The following UTP4 variants were observed in gnomAD, a reference collection of about 807,000 sequenced individuals.
UTP4 encodes UTP4 small subunit processome component.
In UTP4, 45 loss-of-function variants were observed where a neutral mutation model predicts 82.4. That is an observed-to-expected ratio of 0.55 (90% confidence interval 0.43 to 0.70). The LOEUF (loss-of-function observed/expected upper bound fraction) is 0.70, where lower values mean the gene tolerates loss of function less well. Among genes scored for constraint, UTP4 ranks in the 30% least tolerant of loss-of-function variants. The pLI, the probability that UTP4 is intolerant of heterozygous loss-of-function variation, is 0.00. For missense variants in UTP4, 819 were observed against 858.3 expected (o/e 0.95, Z 0.57); for synonymous variants, 348 against 300.3 (o/e 1.16, Z -1.64).
intron 13 of UTP4, among the ~76,000 whole-genome samples, chr16:69,161,122 A>C (rs1963552528): frequency 6.6e-6 from 1 of 152,330 alleles, no homozygotes; most frequent in African/African-American, 2.4e-5. Flanking sequence ...AAATAGTTGC[A>C]GATAATAAGA....
In UTP4 at chr16:69,153,412, C is replaced by T. The variant is rs553750135; in HGVS notation, c.1003-172C>T. The stretch of plus-strand genomic sequence containing the variant: ...CAGTAGCTATGTTTTAATTCATCAT[C>T]GTCTTCATAGATCTCAGGGCAGTGC... On this transcript the variant is annotated intron_variant, in intron 8 of 16. Coordinates refer to ENST00000314423, the MANE Select transcript of UTP4 (RefSeq NM_032830.3). 3.9e-5 allele frequency among the ~76,000 whole-genome samples: 6 copies of T among 152,272 alleles called. No homozygotes were observed. The South Asian group carries it at 1.0e-3, about 26-fold the overall frequency.
At chr16:69,154,998 G>A (rs944983398) in intron 10 of UTP4, among the ~76,000 whole-genome samples, 3 of 152,078 alleles carry the variant, frequency 2.0e-5, no homozygotes, top group Admixed American at 2.0e-4. Context: ...GGGATTATAG[G>A]CGTGAGCCAC....
chr16:69,132,971 G>T (rs777953779), intron 1 of UTP4: 1 of 215,406 alleles, frequency 4.6e-6, no homozygotes, highest in South Asian at 6.1e-5. Flanking sequence ...CTCTACTCTC[G>T]GCCAGTATAT....
intron 13 of UTP4, 86 bp from the exon 14 acceptor site, chr16:69,162,997 T>G: frequency 9.4e-7 from 1 of 1,067,556 alleles, no homozygotes; most frequent in Non-Finnish European, 1.5e-6. Flanking sequence ...AGGAGCAGTA[T>G]TTAAACCCCT....
chr16:69,168,630 T>TA lies in UTP4; in HGVS notation c.1945-181dup, dbSNP rs201315458. Among the ~76,000 whole-genome samples the TA allele has an allele frequency of 8.0e-3, 1,165 of 145,810 alleles. 9 individuals carry two copies. Among genetic ancestry groups the TA allele is most frequent in the African/African-American group, 0.024 (946 of 39,818 alleles). On this transcript the variant is annotated intron_variant, in intron 16 of 16. Coordinates refer to ENST00000314423, the MANE Select transcript of UTP4 (RefSeq NM_032830.3). ...GCAACATAGCAAGATCTCTAAAAAATAAAAAAAAAAGCTTTTATGCATTCC... is the reference window on the plus strand; with the variant it reads ...GCAACATAGCAAGATCTCTAAAAAATAAAAAAAAAAAGCTTTTATGCATTCC...
At chr16:69,156,749 G>T (rs554866439) in intron 11 of UTP4, among the ~76,000 whole-genome samples, 2 of 152,160 alleles carry the variant, frequency 1.3e-5, no homozygotes, top group African/African-American at 4.8e-5. Flanking sequence ...GAGACACTGC[G>T]CCCGGCCCAC....
chr16:69,145,657 C>T lies in UTP4; in HGVS notation c.738+2268C>T, dbSNP rs558736847. ...AGCTGCTGGGTATGTCCACTTTTGT[C>T]TTAGGCTAATGGTTTTTAAGTAGTG... is the stretch of plus-strand genomic sequence containing the variant. On this transcript the variant is annotated intron_variant, in intron 6 of 16. Coordinates refer to ENST00000314423, the MANE Select transcript of UTP4 (RefSeq NM_032830.3). Among the ~76,000 whole-genome samples, 7 of 150,980 alleles carry T rather than the reference C, an allele frequency of 4.6e-5. No homozygotes were observed. In the East Asian group the frequency reaches 1.4e-3, roughly 30 times the overall value.
intron 8 of UTP4, 82 bp downstream of exon 8, chr16:69,150,986 T>A: frequency 1.9e-6 from 2 of 1,043,846 alleles, no homozygotes; most frequent in Non-Finnish European, 1.5e-6. Context: ...TGAACACAGC[T>A]CACGCTCGGC....
chr16:69,138,764 A>C (rs1004083484), intron 4 of UTP4, among the ~76,000 whole-genome samples: 3 of 152,170 alleles, frequency 2.0e-5, no homozygotes, highest in African/African-American at 7.2e-5. Context: ...GCCATAGACG[A>C]TACTGAAACT....
At chr16:69,149,336 C>T (rs563210844) in intron 6 of UTP4, among the ~76,000 whole-genome samples, 10 of 152,084 alleles carry the variant, frequency 6.6e-5, no homozygotes, top group East Asian at 5.8e-4. Flanking sequence ...GCTGAGATCG[C>T]GCCATTGCAC....
intron 12 of UTP4, among the ~76,000 whole-genome samples, chr16:69,159,801 A>G (rs2152282925): frequency 6.6e-6 from 1 of 152,260 alleles, no homozygotes; most frequent in African/African-American, 2.4e-5. Context: ...CAGCCCAGCC[A>G]ACATGGTGAA....
chr16:69,138,497 C>G (rs1276845574), intron 4 of UTP4, among the ~76,000 whole-genome samples: 1 of 152,164 alleles, frequency 6.6e-6, no homozygotes, highest in African/African-American at 2.4e-5. Flanking sequence ...CTGCCTTGGC[C>G]TCAAGTGCTG....
rs1306727961 is a variant in UTP4, at chr16:69,150,839, C to T, written c.937C>T (p.Pro313Ser). 6.2e-7 allele frequency: 1 copy of T among 1,614,130 alleles called. No individual in the cohort carries two copies. Among genetic ancestry groups the T allele is most frequent in the Non-Finnish European group, 8.5e-7 (1 of 1,180,010 alleles). The change falls in exon 8 of 17, where the codon CCT becomes TCT. Residue 313 changes from proline (P) to serine (S), a missense_variant. Coordinates refer to ENST00000314423, the MANE Select transcript of UTP4 (RefSeq NM_032830.3). ...CACTGACACCCACTTAGTCTTTCGT[C>T]CTCTCATGGAGAAGGTGGAAGTAAA... ...GGTDTHLVFR[P>S]LMEKVEVKNY...
At chr16:69,153,544 C>T (rs374770632) in intron 8 of UTP4, 40 bp from the exon 9 acceptor site, 47 of 1,452,376 alleles carry the variant, frequency 3.2e-5, no homozygotes, top group Non-Finnish European at 4.4e-5. Flanking sequence ...CAGTAGATGA[C>T]CCTGACTTAT....
At chr16:69,155,768 TGTGGGTATGTCCAGA>T (rs1448900745) in intron 10 of UTP4, 88 bp from the exon 11 acceptor site, 6 of 1,148,138 alleles carry the variant, frequency 5.2e-6, no homozygotes, top group Non-Finnish European at 6.5e-6. Context: ...TGTAGATATC[TGTGGGTATGTCCAGA>T]GTGGCAAGAG....
intron 8 of UTP4, among the ~76,000 whole-genome samples, chr16:69,151,726 C>G (rs1447861288): frequency 1.3e-5 from 2 of 151,736 alleles, no homozygotes; most frequent in South Asian, 2.1e-4. Flanking sequence ...ACTGCAAAGA[C>G]ATTTATGGGG....
chr16:69,165,505 C>T lies in UTP4; in HGVS notation c.1812C>T (p.Phe604=), dbSNP rs762448048. 41 of 1,613,820 alleles carry T rather than the reference C, an allele frequency of 2.5e-5. No individual in the cohort carries two copies. In the South Asian group the frequency reaches 3.2e-4, roughly 13 times the overall value. ...MHILLHDAYM[F]CIIDKSLPLP... ...TCCTTCTCCATGATGCCTACATGTT[C>T]TGCATCATTGACAAGTCATTGGTGA... is the stretch of plus-strand genomic sequence containing the variant. The change falls in exon 15 of 17, where the codon TTC becomes TTT. Residue 604 remains phenylalanine, a synonymous_variant. Coordinates refer to ENST00000314423, the MANE Select transcript of UTP4 (RefSeq NM_032830.3).
Position 69,137,748 on chromosome 16 carries a change from C to T in UTP4, c.352-53C>T, listed in dbSNP as rs541930560. ...GGGGGGTGTGTGTGTGTGTTTAGTC[C>T]TATAAAATGTTTACTATTGATTTTT... On this transcript the variant is annotated intron_variant, in intron 3 of 16. Transcript: ENST00000314423. The T allele has an allele frequency of 3.8e-5, 37 of 961,294 alleles. No individual in the cohort carries two copies. The Admixed American group carries it at 6.1e-4, about 16-fold the overall frequency. The allele number at this position is 961,294 out of a possible 1,614,324, so 59.5% of individuals were successfully genotyped here.
At chr16:69,138,287 A>G (rs371834828) in intron 4 of UTP4, among the ~76,000 whole-genome samples, 1 of 146,470 alleles carries the variant, frequency 6.8e-6, no homozygotes, top group Non-Finnish European at 1.5e-5. Context: ...CCATGCTGGC[A>G]GTGGCGGTGG....
Sources: allele counts gnomAD v4.1 joint callset (sites outside exome capture counted in the v4.1 genomes callset), GRCh38; gene constraint gnomAD v4.1.1; transcripts MANE v1.5; gene names NCBI Gene and HGNC (gene_info 2026-07-23, HGNC 2026-07-21).